Variants in MED27 observed in about 807,000 individuals in gnomAD.
MED27 encodes the protein mediator of RNA polymerase II transcription subunit 27.
A neutral mutation model predicts 38.2 loss-of-function variants in MED27; 30 were observed. That is an observed-to-expected ratio of 0.79 (90% CI 0.59 to 1.07). The LOEUF is 1.07. Among genes scored for constraint, MED27 ranks in the 50% least tolerant of loss-of-function variants. The pLI, the probability that MED27 is intolerant of heterozygous loss-of-function variation, is 0.00. For synonymous variants in MED27, 122 were observed against 153.5 expected, an observed-to-expected ratio of 0.79 and a Z score of 1.52; for missense variants, 289 against 397.5, an observed-to-expected ratio of 0.73 and a Z score of 2.32.
intron 2 of MED27, among the ~76,000 whole-genome samples, chr9:132,045,427 C>T (rs1240836687): frequency 1.3e-5 from 2 of 151,006 alleles, no homozygotes; most frequent in Non-Finnish European, 3.0e-5. Flanking sequence ...CACACACACA[C>T]ACACACACAC....
At chr9:131,965,008 T>C (rs1831308626) in intron 3 of MED27, among the ~76,000 whole-genome samples, 1 of 152,182 alleles carries the variant, frequency 6.6e-6, no homozygotes, top group African/African-American at 2.4e-5. Context: ...TTATGACTTT[T>C]ATTTATCTGG....
At chr9:131,900,396 T>C (rs1829918021) in intron 4 of MED27, among the ~76,000 whole-genome samples, 2 of 152,146 alleles carry the variant, frequency 1.3e-5, no homozygotes, top group African/African-American at 4.8e-5. Context: ...GGGAGGAAAG[T>C]AGAAAAAGTA....
chr9:131,955,834 A>G (rs1831085296), intron 3 of MED27, among the ~76,000 whole-genome samples: 2 of 152,218 alleles, frequency 1.3e-5, no homozygotes, highest in African/African-American at 4.8e-5. Context: ...AATCATATGG[A>G]AATTCAGAAA....
intron 2 of MED27, among the ~76,000 whole-genome samples, chr9:132,015,031 T>C (rs1490256970): frequency 2.0e-5 from 3 of 152,204 alleles, no homozygotes; most frequent in Non-Finnish European, 4.4e-5. Flanking sequence ...ATCTTGCTTA[T>C]AATAAAAACC....
intron 6 of MED27, among the ~76,000 whole-genome samples, chr9:131,882,275 G>T (rs1419359257): frequency 6.6e-6 from 1 of 152,168 alleles, no homozygotes; most frequent in Non-Finnish European, 1.5e-5. Context: ...AACACCTCTA[G>T]AGGGTGGTCC....
chr9:132,064,243 G>A (rs1243443545), intron 2 of MED27, among the ~76,000 whole-genome samples: 1 of 152,190 alleles, frequency 6.6e-6, no homozygotes, highest in Non-Finnish European at 1.5e-5. Flanking sequence ...AGAATACAGA[G>A]CATCCGGGAA....
At chr9:131,986,762 A>G (rs1056442772) in intron 3 of MED27, among the ~76,000 whole-genome samples, 1 of 152,094 alleles carries the variant, frequency 6.6e-6, no homozygotes. Context: ...ATTCCTGACA[A>G]TTACTTGGCC....
At chr9:131,922,026 G>A in intron 4 of MED27, among the ~76,000 whole-genome samples, 1 of 139,256 alleles carries the variant, frequency 7.2e-6, no homozygotes, top group Non-Finnish European at 1.6e-5. Context: ...CCTGTCATGG[G>A]GAGGGGGGAG....
chr9:131,876,638 G>C (rs757614211), intron 6 of MED27, among the ~76,000 whole-genome samples: 11 of 152,062 alleles, frequency 7.2e-5, no homozygotes, highest in Non-Finnish European at 1.6e-4. Flanking sequence ...GCCCCGCGCC[G>C]ATGCTTCTGC....
intron 3 of MED27, among the ~76,000 whole-genome samples, chr9:131,965,188 G>A (rs1160534529): frequency 1.3e-5 from 2 of 152,118 alleles, no homozygotes; most frequent in Non-Finnish European, 2.9e-5. Context: ...TTTAACTGAC[G>A]AACACATTAT....
chr9:131,935,070 T>C (rs373576490), intron 4 of MED27, among the ~76,000 whole-genome samples: 3 of 152,078 alleles, frequency 2.0e-5, no homozygotes, highest in Non-Finnish European at 2.9e-5. Flanking sequence ...AGAAGGGTAG[T>C]TGGGGTGGGA....
chr9:131,895,719 T>C (rs1347062804), intron 4 of MED27, among the ~76,000 whole-genome samples: 1 of 152,220 alleles, frequency 6.6e-6, no homozygotes, highest in Non-Finnish European at 1.5e-5. Flanking sequence ...CACCATGTAA[T>C]GTTCAGTGGG....
At chr9:131,957,357 C>A (rs1376182653) in intron 3 of MED27, among the ~76,000 whole-genome samples, 1 of 152,048 alleles carries the variant, frequency 6.6e-6, no homozygotes, top group African/African-American at 2.4e-5. Context: ...CGGGCACAAG[C>A]AATCCCTCCG....
At chr9:131,987,148 T>C (rs1296701458) in intron 3 of MED27, among the ~76,000 whole-genome samples, 2 of 152,078 alleles carry the variant, frequency 1.3e-5, no homozygotes, top group African/African-American at 4.8e-5. Context: ...TGTGGAACTG[T>C]AATCTTCTGT....
chr9:132,063,317 G>C (rs1347309408), intron 2 of MED27, among the ~76,000 whole-genome samples: 1 of 152,164 alleles, frequency 6.6e-6, no homozygotes, highest in Non-Finnish European at 1.5e-5. Context: ...CTTGAAAGCA[G>C]TACGTACCCA....
intron 4 of MED27, among the ~76,000 whole-genome samples, chr9:131,895,306 G>A (rs1341178561): frequency 6.6e-6 from 1 of 152,204 alleles, no homozygotes; most frequent in Non-Finnish European, 1.5e-5. Context: ...TTGCTCTGAT[G>A]AGGTTTTGAC....
At chr9:131,934,086 A>G (rs1830638421) in intron 4 of MED27, among the ~76,000 whole-genome samples, 2 of 152,232 alleles carry the variant, frequency 1.3e-5, no homozygotes. Flanking sequence ...CAGAAGAATG[A>G]AAGTAGATCA....
At chr9:132,041,272 T>C (rs1482336530) in intron 2 of MED27, among the ~76,000 whole-genome samples, 1 of 152,176 alleles carries the variant, frequency 6.6e-6, no homozygotes, top group East Asian at 1.9e-4. Context: ...TAGACAGTCA[T>C]GCTGAGAGCC....
chr9:131,929,862 G>A (rs1223552418), intron 4 of MED27, among the ~76,000 whole-genome samples: 2 of 152,232 alleles, frequency 1.3e-5, no homozygotes, highest in Non-Finnish European at 2.9e-5. Context: ...TTCCCCATCT[G>A]TTGACTGTAG....
Sources: allele counts gnomAD v4.1 joint callset (sites outside exome capture counted in the v4.1 genomes callset), GRCh38; gene constraint gnomAD v4.1.1; transcripts MANE v1.5; gene names NCBI Gene and HGNC (gene_info 2026-07-23, HGNC 2026-07-21).